EPB41L4A: variants seen among roughly 807,000 people sequenced by gnomAD.
The protein encoded by EPB41L4A is erythrocyte membrane protein band 4.1 like 4A.
Under a neutral mutation model 108.6 loss-of-function variants are expected in EPB41L4A, and 100 were observed. The ratio of observed to expected loss-of-function variants is 0.92; its 90% CI spans 0.78 to 1.09. EPB41L4A has a LOEUF of 1.09. Among genes scored for constraint, EPB41L4A ranks in the 50% least tolerant of loss-of-function variants. The pLI is 0.00. For missense variants in EPB41L4A, 1,030 were observed against 842.7 expected (o/e 1.22, Z -2.75); for synonymous variants, 319 against 289.0 (o/e 1.10, Z -1.05).
chr5:112,339,528 C>CTATATA (rs1482030071), intron 1 of EPB41L4A, among the ~76,000 whole-genome samples: 2,905 of 25,446 alleles, frequency 0.11, 131 homozygotes, highest in African/African-American at 0.23. Context: ...AGATATATAT[C>CTATATA]TATATATATA....
chr5:112,355,921 C>G (rs1227528462), intron 1 of EPB41L4A, among the ~76,000 whole-genome samples: 1 of 152,170 alleles, frequency 6.6e-6, no homozygotes, highest in South Asian at 2.1e-4. Context: ...TCAAGTGATT[C>G]ATGAAGCTTT....
intron 8 of EPB41L4A, 76 bp from the exon 9 acceptor site, chr5:112,259,368 G>A (rs961464338): frequency 2.5e-6 from 3 of 1,196,286 alleles, no homozygotes; most frequent in Admixed American, 1.7e-5. Flanking sequence ...GTATCCAGTG[G>A]AAAAAGACTG....
At chr5:112,308,573 T>C (rs948124998) in intron 1 of EPB41L4A, among the ~76,000 whole-genome samples, 1 of 152,248 alleles carries the variant, frequency 6.6e-6, no homozygotes, top group Non-Finnish European at 1.5e-5. Flanking sequence ...TGACTAACTT[T>C]AACTGGTTCC....
chr5:112,163,558 G>C lies in EPB41L4A; in HGVS notation c.*1432C>G, dbSNP rs1308096101. 1.3e-5 allele frequency: 2 copies of C among 152,136 alleles called. No individual in the cohort carries two copies. The highest frequency in any genetic ancestry group is 4.8e-5 in the African/African-American group (2 of 41,420). The allele number at this position is 152,136 out of a possible 1,614,324, so 9.4% of individuals were successfully genotyped here. On this transcript the variant is annotated 3_prime_UTR_variant, in exon 23 of 23. Transcript: ENST00000261486. The stretch of plus-strand genomic sequence containing the variant: ...AGCAAAATAGGATTATATTAAAGAA[G>C]CAAAAGAATGTCCTAAAAATTCTCC...
At chr5:112,230,400 T>C (rs576367513) in intron 12 of EPB41L4A, among the ~76,000 whole-genome samples, 1 of 152,332 alleles carries the variant, frequency 6.6e-6, no homozygotes, top group Admixed American at 6.5e-5. Flanking sequence ...TATTATTTTT[T>C]TTATTTTTTA....
At chr5:112,199,249 T>C (rs1349130467) in intron 15 of EPB41L4A, among the ~76,000 whole-genome samples, 1 of 152,224 alleles carries the variant, frequency 6.6e-6, no homozygotes, top group African/African-American at 2.4e-5. Context: ...ATCCATAGTC[T>C]TTTCTCTTGT....
chr5:112,301,157 G>A (rs1033553009), intron 2 of EPB41L4A, among the ~76,000 whole-genome samples: 2 of 151,946 alleles, frequency 1.3e-5, no homozygotes, highest in Non-Finnish European at 2.9e-5. Flanking sequence ...GTCAATCAGG[G>A]ACTTTTTCTC....
In EPB41L4A at chr5:112,418,959, G is replaced by C; in HGVS notation, c.81C>G (p.Thr27=). 2 of 1,613,192 alleles carry C rather than the reference G, an allele frequency of 1.2e-6. No homozygotes were observed. Among genetic ancestry groups the C allele is most frequent in the Non-Finnish European group, 1.7e-6 (2 of 1,179,528 alleles). ...LLDESKLTLT[T]QQQGIKKSTK... is the part of the protein sequence containing the mutation. ...CACCCACCTTGATGCCCTGCTGCTG[G>C]GTGGTAAGGGTTAACTTGGATTCAT... Residue 27 remains threonine, a synonymous_variant, in exon 1 of 23, where the codon ACC becomes ACG. Coordinates refer to ENST00000261486, the MANE Select transcript of EPB41L4A (RefSeq NM_022140.5).
chr5:112,391,860 G>A (rs1008041400), intron 1 of EPB41L4A, among the ~76,000 whole-genome samples: 1 of 152,160 alleles, frequency 6.6e-6, no homozygotes, highest in Admixed American at 6.5e-5. Context: ...AGGCCCATCA[G>A]ACTAACAGCA....
In EPB41L4A at chr5:112,266,343, C is replaced by T; in HGVS notation, c.336-13G>A. The T allele has an allele frequency of 1.3e-6, 2 of 1,563,852 alleles. No individual in the cohort carries two copies. The highest frequency in any genetic ancestry group is 8.7e-7 in the Non-Finnish European group (1 of 1,151,012). ...GAAAAACTGATATCTAAAAGAGAAA[C>T]AAAAAGAGAGATTAACGATCTCTTA... is the stretch of plus-strand genomic sequence containing the variant. On this transcript the variant is annotated splice_polypyrimidine_tract_variant and intron_variant, in intron 4 of 22. Coordinates refer to ENST00000261486, the MANE Select transcript of EPB41L4A (RefSeq NM_022140.5).
At chr5:112,249,706 T>G (rs569091233) in intron 9 of EPB41L4A, 1 of 152,210 alleles carries the variant, frequency 6.6e-6, no homozygotes, top group South Asian at 2.1e-4. Flanking sequence ...GTTAAGACAC[T>G]GAATAAAACA....
At chr5:112,291,320 C>G (rs1753624386) in intron 2 of EPB41L4A, among the ~76,000 whole-genome samples, 1 of 152,160 alleles carries the variant, frequency 6.6e-6, no homozygotes, top group East Asian at 1.9e-4. Flanking sequence ...GCCTTAAGGC[C>G]CCCATGCCAG....
intron 12 of EPB41L4A, among the ~76,000 whole-genome samples, chr5:112,225,388 C>G (rs1427441253): frequency 6.6e-6 from 1 of 152,134 alleles, no homozygotes; most frequent in Non-Finnish European, 1.5e-5. Context: ...TACAATTGAT[C>G]TTATATTGCT....
intron 2 of EPB41L4A, among the ~76,000 whole-genome samples, chr5:112,282,059 A>C (rs1446789899): frequency 6.6e-6 from 1 of 152,226 alleles, no homozygotes; most frequent in Non-Finnish European, 1.5e-5. Context: ...TATTTTTCAA[A>C]GGTCTAGAAT....
chr5:112,384,918 C>A (rs890112308), intron 1 of EPB41L4A, among the ~76,000 whole-genome samples: 1 of 152,194 alleles, frequency 6.6e-6, no homozygotes, highest in Non-Finnish European at 1.5e-5. Context: ...GCAAAGAGAG[C>A]TGAGCAGCCC....
intron 14 of EPB41L4A, among the ~76,000 whole-genome samples, chr5:112,204,933 A>G (rs2150298675): frequency 6.6e-6 from 1 of 152,334 alleles, no homozygotes; most frequent in African/African-American, 2.4e-5. Context: ...CAAATAAAGT[A>G]GCTAGGAAGT....
intron 12 of EPB41L4A, among the ~76,000 whole-genome samples, chr5:112,218,228 T>A (rs1747796188): frequency 6.6e-6 from 1 of 152,144 alleles, no homozygotes; most frequent in Non-Finnish European, 1.5e-5. Flanking sequence ...AGATTTGTAA[T>A]CTACACCAGC....
At chr5:112,300,508 A>G (rs2150562573) in intron 2 of EPB41L4A, among the ~76,000 whole-genome samples, 1 of 152,316 alleles carries the variant, frequency 6.6e-6, no homozygotes, top group East Asian at 1.9e-4. Context: ...GTTTCTGCTG[A>G]GAAATCTGCT....
At chr5:112,221,450 G>A (rs1748041707) in intron 12 of EPB41L4A, among the ~76,000 whole-genome samples, 1 of 152,156 alleles carries the variant, frequency 6.6e-6, no homozygotes, top group Non-Finnish European at 1.5e-5. Context: ...TGTGATCTTG[G>A]ACAAGTTATT....
Sources: gnomAD v4.1 joint callset for allele counts (sites outside exome capture counted in the v4.1 genomes callset) on GRCh38, gnomAD v4.1.1 for gene constraint, MANE v1.5 for transcripts, NCBI Gene and HGNC (gene_info 2026-07-23, HGNC 2026-07-21) for gene names.